The following RABL3 variants were observed in gnomAD, a reference collection of about 807,000 sequenced individuals.
RABL3 encodes RAB, member of RAS oncogene family like 3, also known as rab-like protein 3.
In RABL3, 31 loss-of-function variants were observed where a neutral mutation model predicts 31.8. The observed-to-expected ratio is 0.97, with a 90% CI of 0.73 to 1.31. The LOEUF (loss-of-function observed/expected upper bound fraction) is 1.31. Among genes scored for constraint, RABL3 ranks in the 40% most tolerant of loss-of-function variants. The pLI is 0.00. For synonymous variants in RABL3, 97 were observed against 99.9 expected, an observed-to-expected ratio of 0.97 and a Z score of 0.18; for missense variants, 263 against 279.6, an observed-to-expected ratio of 0.94 and a Z score of 0.42.
rs1391038766 is a variant in RABL3, at chr3:120,734,579, T to C, written c.47-3792A>G. Among the ~76,000 whole-genome samples the C allele has an allele frequency of 4.6e-5, 7 of 152,302 alleles. No homozygotes were observed. In the South Asian group the frequency reaches 1.0e-3, roughly 23 times the overall value. ...GCCCTGGCCAGAACTTCCAACACTA[T>C]GTTGAATAGGAGTGGTGAGAGAGGG... On this transcript the variant is annotated intron_variant, in intron 1 of 7. Transcript: ENST00000273375.
At chr3:120,729,887 T>C (rs1435747255) in intron 2 of RABL3, among the ~76,000 whole-genome samples, 2 of 151,868 alleles carry the variant, frequency 1.3e-5, no homozygotes, top group Non-Finnish European at 2.9e-5. Context: ...ATGAGAACCA[T>C]GACTACTTCT....
chr3:120,690,831 A>T (rs1045953368), intron 6 of RABL3, among the ~76,000 whole-genome samples: 3 of 152,202 alleles, frequency 2.0e-5, no homozygotes, highest in Non-Finnish European at 2.9e-5. Context: ...CCCAAAAGGT[A>T]CTAAACAGCA....
At chr3:120,713,113 C>T (rs1231702960) in intron 2 of RABL3, among the ~76,000 whole-genome samples, 1 of 152,114 alleles carries the variant, frequency 6.6e-6, no homozygotes, top group Non-Finnish European at 1.5e-5. Context: ...AGCCATCATC[C>T]AATGTAAATT....
In RABL3 at chr3:120,695,674, T is replaced by G. The variant is rs537711735; in HGVS notation, c.535-1450A>C. 9.7e-4 allele frequency among the ~76,000 whole-genome samples: 148 copies of G among 152,154 alleles called. 1 individual carries two copies. The highest frequency in any genetic ancestry group is 1.8e-3 in the Non-Finnish European group (122 of 68,000). On this transcript the variant is annotated intron_variant, in intron 5 of 7. Coordinates refer to ENST00000273375, the MANE Select transcript of RABL3 (RefSeq NM_173825.5). The stretch of plus-strand genomic sequence containing the variant: ...ATTGCACTAACTATGGTATTTGAAA[T>G]AGTGTTTGAACACATTTCTACAGCA...
chr3:120,734,788 T>C (rs554944157), intron 1 of RABL3, among the ~76,000 whole-genome samples: 4 of 152,360 alleles, frequency 2.6e-5, no homozygotes, highest in Non-Finnish European at 4.4e-5. Flanking sequence ...CTTTTCTGCA[T>C]CTATTGAGAT....
At chr3:120,742,532 A>T, upstream of RABL3, 1 of 1,613,588 alleles carries the variant, frequency 6.2e-7, no homozygotes, top group South Asian at 1.1e-5. Context: ...CCCTGGGTTA[A>T]CGCCTGTTCC....
At chr3:120,716,813 G>A (rs1053332858) in intron 2 of RABL3, among the ~76,000 whole-genome samples, 3 of 152,226 alleles carry the variant, frequency 2.0e-5, no homozygotes, top group African/African-American at 7.2e-5. Context: ...GGCTTTATAA[G>A]CTTTAGTTAT....
intron 2 of RABL3, among the ~76,000 whole-genome samples, chr3:120,716,561 C>G (rs1708671917): frequency 6.6e-6 from 1 of 151,340 alleles, no homozygotes; most frequent in African/African-American, 2.4e-5. Context: ...CACATGTATA[C>G]ATATGTAACA....
intron 2 of RABL3, among the ~76,000 whole-genome samples, chr3:120,719,332 G>A (rs139130253): frequency 0.021 from 3,256 of 152,276 alleles, 56 homozygotes; most frequent in Middle Eastern, 0.054. Flanking sequence ...CATCTCACTG[G>A]GGAGTGCCAG....
intron 2 of RABL3, among the ~76,000 whole-genome samples, chr3:120,713,152 A>G (rs1318295818): frequency 2.0e-5 from 3 of 152,194 alleles, no homozygotes; most frequent in South Asian, 4.1e-4. Flanking sequence ...TTAGCCTTGC[A>G]TTGTACCAAA....
At chr3:120,701,702 T>G (rs1395675653) in intron 4 of RABL3, among the ~76,000 whole-genome samples, 3 of 152,190 alleles carry the variant, frequency 2.0e-5, no homozygotes, top group Admixed American at 2.0e-4. Flanking sequence ...AATCTACATA[T>G]ATATACTCAA....
At chr3:120,700,400 T>C (rs1269112313) in intron 4 of RABL3, among the ~76,000 whole-genome samples, 4 of 151,920 alleles carry the variant, frequency 2.6e-5, no homozygotes, top group Non-Finnish European at 5.9e-5. Context: ...AAATCCAGAA[T>C]ATAGGAAACT....
upstream of RABL3, chr3:120,742,554 C>G (rs1709061380): frequency 3.7e-6 from 6 of 1,601,896 alleles, no homozygotes; most frequent in Non-Finnish European, 5.1e-6. Context: ...GGATTGTAAG[C>G]CAATCAGAGT....
intron 4 of RABL3, among the ~76,000 whole-genome samples, chr3:120,699,209 G>A (rs1708469745): frequency 6.6e-6 from 1 of 152,146 alleles, no homozygotes; most frequent in African/African-American, 2.4e-5. Context: ...CATGGAAATG[G>A]AAGGAAACAG....
intron 4 of RABL3, among the ~76,000 whole-genome samples, chr3:120,704,052 C>T (rs1267689905): frequency 6.6e-6 from 1 of 152,158 alleles, no homozygotes; most frequent in Non-Finnish European, 1.5e-5. Flanking sequence ...CCAATTAATT[C>T]TATGAGGCCA....
chr3:120,742,368 G>A (rs1418805670), intron 1 of RABL3, 94 bp downstream of exon 1: 6 of 1,199,042 alleles, frequency 5.0e-6, no homozygotes, highest in South Asian at 3.7e-5. Context: ...GCCACGGGCC[G>A]AGGAGCCAGG....
chr3:120,742,358 G>C, intron 1 of RABL3, 104 bp downstream of exon 1: 1 of 1,096,034 alleles, frequency 9.1e-7, no homozygotes, highest in Non-Finnish European at 1.4e-6. Flanking sequence ...AGGGACTTCA[G>C]CCACGGGCCG....
Position 120,685,279 on chromosome 3 carries a change from C to T in RABL3, c.*4544G>A, listed in dbSNP as rs1401732207. Among the ~76,000 whole-genome samples the T allele has an allele frequency of 6.6e-6, 1 of 152,308 alleles. No homozygotes were observed. Among genetic ancestry groups the T allele is most frequent in the African/African-American group, 2.4e-5 (1 of 41,556 alleles). Reference sequence around the variant, plus strand: ...AGTTAGGCATCAGAGGACTCCAGGACAGATGTCTCCGAGAAAAAGATGGAA... The same window carrying T: ...AGTTAGGCATCAGAGGACTCCAGGATAGATGTCTCCGAGAAAAAGATGGAA... On this transcript the variant is annotated 3_prime_UTR_variant, in exon 8 of 8. Coordinates refer to ENST00000273375, the MANE Select transcript of RABL3 (RefSeq NM_173825.5).
chr3:120,730,172 A>G (rs1027616729), intron 2 of RABL3, among the ~76,000 whole-genome samples: 2 of 152,174 alleles, frequency 1.3e-5, no homozygotes, highest in African/African-American at 4.8e-5. Context: ...CAAAGGAGAG[A>G]GGTGTGCCAG....
Sources: allele counts gnomAD v4.1 joint callset (sites outside exome capture counted in the v4.1 genomes callset), GRCh38; gene constraint gnomAD v4.1.1; transcripts MANE v1.5; gene names NCBI Gene and HGNC (gene_info 2026-07-23, HGNC 2026-07-21).